Variants in CHN1 observed in about 807,000 individuals in gnomAD.
CHN1 encodes the protein chimerin 1.
CHN1 carries 37 observed loss-of-function variants against 59.5 expected under a neutral mutation model. The observed-to-expected ratio is 0.62, with a 90% CI of 0.48 to 0.82. The LOEUF (loss-of-function observed/expected upper bound fraction) is 0.82. Ranked by LOEUF, CHN1 falls within the 40% of genes least tolerant of loss-of-function variation. CHN1 has a pLI of 0.00. For synonymous variants in CHN1, 206 were observed against 200.4 expected (o/e 1.03, Z -0.24); for missense variants, 469 against 571.0 (o/e 0.82, Z 1.82).
At chr2:174,852,366 C>T (rs1326907479) in intron 6 of CHN1, among the ~76,000 whole-genome samples, 6 of 152,064 alleles carry the variant, frequency 3.9e-5, no homozygotes, top group African/African-American at 1.4e-4. Context: ...GGGGATATGG[C>T]TAACCAAGGA....
intron 7 of CHN1, chr2:174,846,242 A>C (rs1686510102): frequency 6.7e-7 from 1 of 1,500,760 alleles, no homozygotes; most frequent in Non-Finnish European, 8.9e-7. Context: ...CACACATATC[A>C]CCTTGAAAGA....
intron 1 of CHN1, among the ~76,000 whole-genome samples, chr2:175,001,850 G>A (rs550568964): frequency 1.3e-5 from 2 of 152,308 alleles, no homozygotes; most frequent in South Asian, 2.1e-4. Context: ...GGCCAATCAG[G>A]ACATTTTGTC....
intron 7 of CHN1, among the ~76,000 whole-genome samples, chr2:174,834,307 A>C (rs1431483880): frequency 6.6e-6 from 1 of 152,220 alleles, no homozygotes; most frequent in African/African-American, 2.4e-5. Context: ...AAAGATACTA[A>C]GTCAGGAAAA....
intron 1 of CHN1, among the ~76,000 whole-genome samples, chr2:174,961,303 C>T (rs1690398744): frequency 6.6e-6 from 1 of 151,854 alleles, no homozygotes; most frequent in South Asian, 2.1e-4. Context: ...AAATAATTAG[C>T]CAGCTGGGTG....
chr2:174,927,438 T>C (rs1452856046), intron 3 of CHN1, among the ~76,000 whole-genome samples: 2 of 152,250 alleles, frequency 1.3e-5, no homozygotes, highest in African/African-American at 4.8e-5. Flanking sequence ...TTGTATCTTA[T>C]TTTCAACAAA....
intron 7 of CHN1, among the ~76,000 whole-genome samples, chr2:174,842,759 T>A (rs1239902935): frequency 6.6e-6 from 1 of 152,210 alleles, no homozygotes; most frequent in Non-Finnish European, 1.5e-5. Context: ...GATCTCTTTT[T>A]CCTAGTAGGT....
intron 6 of CHN1, among the ~76,000 whole-genome samples, chr2:174,854,921 C>G (rs1291229974): frequency 6.6e-6 from 1 of 152,142 alleles, no homozygotes; most frequent in Non-Finnish European, 1.5e-5. Context: ...ATAAGCATCA[C>G]TGTTATGCAA....
At chr2:174,988,139 A>G (rs1295555633) in intron 1 of CHN1, among the ~76,000 whole-genome samples, 1 of 152,154 alleles carries the variant, frequency 6.6e-6, no homozygotes, top group Non-Finnish European at 1.5e-5. Context: ...CGGGCGGATC[A>G]CGAGGTCAGG....
chr2:174,802,206 C>T, intron 11 of CHN1: 1 of 191,430 alleles, frequency 5.2e-6, no homozygotes, highest in Non-Finnish European at 1.1e-5. Context: ...TGGTACATTG[C>T]TTAAAATATT....
In CHN1 at chr2:174,836,064, C is replaced by A. The variant is rs1686066071; in HGVS notation, c.627+10816G>T. Reference sequence around the variant, plus strand: ...CTCCTCAGGCAGTCTCTGCCCCATACATTTGAGCTGCTTTGCACCTCCCCC... The same window carrying A: ...CTCCTCAGGCAGTCTCTGCCCCATAAATTTGAGCTGCTTTGCACCTCCCCC... On this transcript the variant is annotated intron_variant, in intron 7 of 12. Coordinates refer to ENST00000409900, the MANE Select transcript of CHN1 (RefSeq NM_001822.7). Among the ~76,000 whole-genome samples, 4 of 152,168 alleles carry A rather than the reference C, an allele frequency of 2.6e-5. No individual in the cohort carries two copies. In the South Asian group the frequency reaches 8.3e-4, roughly 32 times the overall value.
chr2:174,871,240 T>G (rs79469789), intron 6 of CHN1, among the ~76,000 whole-genome samples: 4,111 of 91,864 alleles, frequency 0.045, 253 homozygotes, highest in African/African-American at 0.11. Flanking sequence ...TCACGAACTA[T>G]TTCATGTCAC....
At chr2:174,899,732 C>T (rs1688329110) in intron 5 of CHN1, among the ~76,000 whole-genome samples, 1 of 152,160 alleles carries the variant, frequency 6.6e-6, no homozygotes, top group African/African-American at 2.4e-5. Flanking sequence ...TTTTGAGGAG[C>T]TTGTCAAATT....
intron 1 of CHN1, among the ~76,000 whole-genome samples, chr2:174,977,912 T>G (rs942496244): frequency 6.6e-6 from 1 of 152,068 alleles, no homozygotes; most frequent in Admixed American, 6.5e-5. Flanking sequence ...AAAAAATAAA[T>G]AAAATGTTTA....
chr2:174,929,491 T>C (rs1232961306), intron 3 of CHN1, among the ~76,000 whole-genome samples: 4 of 151,940 alleles, frequency 2.6e-5, no homozygotes, highest in Admixed American at 2.6e-4. Context: ...GGCATAAGAA[T>C]CACTTGAACT....
intron 1 of CHN1, among the ~76,000 whole-genome samples, chr2:174,962,328 A>G (rs1690438365): frequency 6.6e-6 from 1 of 152,042 alleles, no homozygotes; most frequent in African/African-American, 2.4e-5. Context: ...CATCTAATAG[A>G]AGAAATACAA....
In CHN1 at chr2:174,941,722, C is replaced by T. The variant is rs559686249; in HGVS notation, c.114+3166G>A. On this transcript the variant is annotated intron_variant, in intron 3 of 12. Coordinates refer to ENST00000409900, the MANE Select transcript of CHN1 (RefSeq NM_001822.7). Reference sequence around the variant, plus strand: ...TTAATCCTTCTGTGCTTCTCTTTTGCAAAAATAAACTATTTTTTTTTCTTT... The same window carrying T: ...TTAATCCTTCTGTGCTTCTCTTTTGTAAAAATAAACTATTTTTTTTTCTTT... Among the ~76,000 whole-genome samples, 32 of 152,120 alleles carry T rather than the reference C, an allele frequency of 2.1e-4. No individual in the cohort carries two copies. The South Asian group carries it at 6.0e-3, about 29-fold the overall frequency.
intron 5 of CHN1, among the ~76,000 whole-genome samples, chr2:174,910,418 T>C (rs34516864): frequency 0.045 from 6,884 of 152,058 alleles, 217 homozygotes; most frequent in African/African-American, 0.084. Context: ...CCAAGAAAAC[T>C]CTTGGACAGA....
intron 5 of CHN1, among the ~76,000 whole-genome samples, chr2:174,894,787 G>C (rs75018010): frequency 6.6e-6 from 1 of 151,970 alleles, no homozygotes; most frequent in Non-Finnish European, 1.5e-5. Flanking sequence ...ACATGGTTTC[G>C]TTTTCTGTGG....
At chr2:174,908,281 T>C (rs975794643) in intron 5 of CHN1, among the ~76,000 whole-genome samples, 12 of 152,338 alleles carry the variant, frequency 7.9e-5, no homozygotes, top group Non-Finnish European at 1.8e-4. Context: ...CAGTTCTCCA[T>C]AGTCAAAGAA....
Sources: allele counts gnomAD v4.1 joint callset (sites outside exome capture counted in the v4.1 genomes callset), GRCh38; gene constraint gnomAD v4.1.1; transcripts MANE v1.5; gene names NCBI Gene and HGNC (gene_info 2026-07-23, HGNC 2026-07-21).